NLGN4X: variants seen among roughly 807,000 people sequenced by gnomAD.
NLGN4X encodes neuroligin 4 X-linked, also known as neuroligin-4, X-linked.
Under a neutral mutation model 40.3 loss-of-function variants are expected in NLGN4X, and 3 were observed. The ratio of observed to expected loss-of-function variants is 0.07; its 90% CI spans 0.03 to 0.19. The LOEUF is 0.19. Among genes scored for constraint, NLGN4X ranks in the 10% least tolerant of loss-of-function variants. NLGN4X has a pLI of 1.00. For missense variants in NLGN4X, 382 were observed against 708.3 expected (o/e 0.54, Z 5.23); for synonymous variants, 270 against 306.8 (o/e 0.88, Z 1.25).
At chrX:5,953,490 GGATA>G (rs2034384573) in intron 3 of NLGN4X, among the ~76,000 whole-genome samples, 1 of 111,715 alleles carries the variant, frequency 9.0e-6, no homozygotes, top group African/African-American at 3.3e-5. Context: ...CACAGAGAAG[GGATA>G]AATACTTGAG....
At chrX:6,075,030 T>C (rs1408405244) in intron 2 of NLGN4X, among the ~76,000 whole-genome samples, 1 of 111,673 alleles carries the variant, frequency 9.0e-6, no homozygotes, top group East Asian at 2.8e-4. Context: ...GGGATGGATG[T>C]GGTAACAGCA....
At chrX:6,158,707 G>A (rs1203389088) in intron 1 of NLGN4X, among the ~76,000 whole-genome samples, 2 of 111,475 alleles carry the variant, frequency 1.8e-5, no homozygotes, top group African/African-American at 6.5e-5. Context: ...AGGTAAACAT[G>A]TGCCATGGTG....
At chrX:6,226,218 C>A (rs1015237159) in intron 1 of NLGN4X, among the ~76,000 whole-genome samples, 4 of 109,191 alleles carry the variant, frequency 3.7e-5, no homozygotes, top group Non-Finnish European at 7.7e-5. Flanking sequence ...TCCTGCACCC[C>A]CTCCCCCGCC....
chrX:6,008,938 A>G (rs2036174542), intron 3 of NLGN4X, among the ~76,000 whole-genome samples: 1 of 112,184 alleles, frequency 8.9e-6, no homozygotes, highest in African/African-American at 3.2e-5. Context: ...AAAATCATAC[A>G]GCTTTTGTCC....
At chrX:6,188,865 A>T (rs1336392488) in intron 1 of NLGN4X, among the ~76,000 whole-genome samples, 2 of 112,532 alleles carry the variant, frequency 1.8e-5, no homozygotes, top group African/African-American at 6.5e-5. Flanking sequence ...GATTATCATG[A>T]AAATCCATTG....
chrX:6,003,144 A>G (rs1227745740), intron 3 of NLGN4X, among the ~76,000 whole-genome samples: 1 of 111,696 alleles, frequency 9.0e-6, no homozygotes, highest in Non-Finnish European at 1.9e-5. Context: ...TATTGAGTGC[A>G]CTCAGACCCA....
chrX:6,223,838 TC>T (rs925471913), intron 1 of NLGN4X, among the ~76,000 whole-genome samples: 6 of 112,962 alleles, frequency 5.3e-5, no homozygotes, highest in Non-Finnish European at 7.5e-5. Flanking sequence ...TTCAAATCTG[TC>T]TGAATATCCA....
chrX:6,084,996 G>A (rs1310687561), intron 2 of NLGN4X, among the ~76,000 whole-genome samples: 1 of 110,225 alleles, frequency 9.1e-6, no homozygotes, highest in African/African-American at 3.3e-5. Flanking sequence ...ACACACTAAT[G>A]AGACCAAACC....
chrX:6,023,221 A>T (rs1001023965), intron 3 of NLGN4X, among the ~76,000 whole-genome samples: 1 of 111,759 alleles, frequency 8.9e-6, no homozygotes, highest in Non-Finnish European at 1.9e-5. Context: ...AAGAGCTTTG[A>T]TGTGACAAAT....
chrX:6,146,936 G>A (rs1275283948), intron 2 of NLGN4X, among the ~76,000 whole-genome samples: 1 of 109,608 alleles, frequency 9.1e-6, no homozygotes, highest in East Asian at 2.9e-4. Context: ...GATTACAGGC[G>A]CACACCACCA....
At chrX:6,083,388 G>A (rs2038419028) in intron 2 of NLGN4X, among the ~76,000 whole-genome samples, 2 of 111,738 alleles carry the variant, frequency 1.8e-5, no homozygotes, top group Non-Finnish European at 3.8e-5. Context: ...CCAGCCTCTA[G>A]AACTATGAGA....
intron 3 of NLGN4X, among the ~76,000 whole-genome samples, chrX:5,915,237 A>G (rs2032731803): frequency 8.9e-6 from 1 of 111,994 alleles, no homozygotes. Context: ...ACAGGTTTCC[A>G]AACTCTGGGG....
At chrX:5,909,267 T>G in intron 3 of NLGN4X, 28 bp from the exon 4 acceptor site, 1 of 1,204,278 alleles carries the variant, frequency 8.3e-7, no homozygotes, top group Non-Finnish European at 1.1e-6. Context: ...ATATTTTTGG[T>G]GGCCAAATAG....
At chrX:5,921,448 C>CAG (rs1266708105) in intron 3 of NLGN4X, among the ~76,000 whole-genome samples, 32 of 47,050 alleles carry the variant, frequency 6.8e-4, no homozygotes, top group Middle Eastern at 0.016. Flanking sequence ...GAGACAGAGA[C>CAG]AGAGAGAGAG....
intron 3 of NLGN4X, among the ~76,000 whole-genome samples, chrX:5,997,043 G>A (rs530769444): frequency 9.0e-6 from 1 of 110,688 alleles, no homozygotes; most frequent in African/African-American, 3.3e-5. Context: ...TAGCTAATGC[G>A]GTCGGAAGTT....
intron 2 of NLGN4X, among the ~76,000 whole-genome samples, chrX:6,034,715 T>A (rs10284218): frequency 5.6e-4 from 1 of 1,780 alleles, no homozygotes; most frequent in African/African-American, 1.2e-3. Context: ...ATCATAGGTT[T>A]TTTTTTTTTT....
intron 1 of NLGN4X, among the ~76,000 whole-genome samples, chrX:6,162,952 A>G (rs2040428654): frequency 8.9e-6 from 1 of 111,851 alleles, no homozygotes. Context: ...ACGTATAGGG[A>G]GAGGGACCCT....
chrX:6,098,495 T>C (rs1029938618), intron 2 of NLGN4X, among the ~76,000 whole-genome samples: 1 of 110,993 alleles, frequency 9.0e-6, no homozygotes, highest in Non-Finnish European at 1.9e-5. Flanking sequence ...TTGGGCTACA[T>C]GACAGAAGAC....
intron 3 of NLGN4X, among the ~76,000 whole-genome samples, chrX:5,965,493 T>C (rs1225184432): frequency 8.9e-6 from 1 of 112,222 alleles, no homozygotes; most frequent in Non-Finnish European, 1.9e-5. Context: ...TGCCTACACA[T>C]GGCATGGTCC....
Sources: gnomAD v4.1 joint callset for allele counts (sites outside exome capture counted in the v4.1 genomes callset) on GRCh38, gnomAD v4.1.1 for gene constraint, MANE v1.5 for transcripts, NCBI Gene and HGNC (gene_info 2026-07-23, HGNC 2026-07-21) for gene names.